DTNBP1: variants seen among roughly 807,000 people sequenced by gnomAD.
DTNBP1 encodes the protein dystrobrevin binding protein 1, also known as dysbindin.
DTNBP1 carries 35 observed loss-of-function variants against 42.8 expected under a neutral mutation model. That is an observed-to-expected ratio of 0.82 (90% CI 0.63 to 1.09). The LOEUF is 1.09. Ranked by LOEUF, DTNBP1 falls within the 50% of genes least tolerant of loss-of-function variation. The pLI is 0.00. For synonymous variants in DTNBP1, 171 were observed against 162.2 expected, an observed-to-expected ratio of 1.05 and a Z score of -0.41; for missense variants, 457 against 424.2, an observed-to-expected ratio of 1.08 and a Z score of -0.68.
intron 8 of DTNBP1, among the ~76,000 whole-genome samples, chr6:15,531,550 CA>C (rs1368563366): frequency 1.3e-5 from 2 of 152,220 alleles, no homozygotes; most frequent in African/African-American, 4.8e-5. Flanking sequence ...CTGCATTCAC[CA>C]GCACACTCTG....
chr6:15,541,807 T>TA (rs919820236), intron 7 of DTNBP1, among the ~76,000 whole-genome samples: 24 of 152,066 alleles, frequency 1.6e-4, no homozygotes, highest in Admixed American at 1.4e-3. Context: ...TATATGAAAT[T>TA]AAAAAAAACC....
chr6:15,615,110 A>G (rs766325553), intron 6 of DTNBP1, 157 bp downstream of exon 6: 1 of 1,041,240 alleles, frequency 9.6e-7, no homozygotes, highest in Non-Finnish European at 1.5e-6. Flanking sequence ...ATGGCAACAG[A>G]CAGTGGTTTT....
chr6:15,660,669 T>A, intron 1 of DTNBP1: 3 of 699,952 alleles, frequency 4.3e-6, no homozygotes, highest in Non-Finnish European at 4.2e-6. Flanking sequence ...TCTCCTTAAC[T>A]AACTCTAAAC....
chr6:15,662,801 A>G lies in DTNBP1; in HGVS notation c.56+13T>C. Reference sequence around the variant, plus strand: ...CCCCTCAGGTCCCTTTTCGTCGCCCACCGTATACCCACCCGGAGGTGAAAT... The same window carrying G: ...CCCCTCAGGTCCCTTTTCGTCGCCCGCCGTATACCCACCCGGAGGTGAAAT... On this transcript the variant is annotated intron_variant, in intron 1 of 9. Transcript: ENST00000344537. The G allele has an allele frequency of 6.2e-7, 1 of 1,611,736 alleles. No individual in the cohort carries two copies. Among genetic ancestry groups the G allele is most frequent in the Non-Finnish European group, 8.5e-7 (1 of 1,179,398 alleles).
chr6:15,574,563 T>C (rs73371522), intron 7 of DTNBP1, among the ~76,000 whole-genome samples: 3,888 of 152,330 alleles, frequency 0.026, 183 homozygotes, highest in African/African-American at 0.088. Context: ...CATATTGTTT[T>C]CACCAAAAAT....
At chr6:15,619,188 C>A (rs749770282) in intron 5 of DTNBP1, among the ~76,000 whole-genome samples, 3 of 152,054 alleles carry the variant, frequency 2.0e-5, no homozygotes, top group Non-Finnish European at 4.4e-5. Context: ...ATTTACTGTA[C>A]ATGTTCAAAT....
At chr6:15,561,724 T>C (rs750775986) in intron 7 of DTNBP1, among the ~76,000 whole-genome samples, 1 of 152,208 alleles carries the variant, frequency 6.6e-6, no homozygotes, top group Non-Finnish European at 1.5e-5. Flanking sequence ...CTGGGCTGAA[T>C]TCTCAGGAGG....
At chr6:15,628,184 C>T (rs1189622910) in intron 4 of DTNBP1, among the ~76,000 whole-genome samples, 1 of 151,974 alleles carries the variant, frequency 6.6e-6, no homozygotes, top group Non-Finnish European at 1.5e-5. Context: ...CTGTTTTGGT[C>T]TTAACATAGT....
chr6:15,524,302 G>C (rs1410902921), intron 9 of DTNBP1: 1 of 1,610,540 alleles, frequency 6.2e-7, no homozygotes, highest in Admixed American at 1.7e-5. Context: ...AAAGTTACCG[G>C]AGTGGAGCAT....
At chr6:15,554,597 C>CT (rs887082069) in intron 7 of DTNBP1, among the ~76,000 whole-genome samples, 1 of 152,096 alleles carries the variant, frequency 6.6e-6, no homozygotes, top group African/African-American at 2.4e-5. Flanking sequence ...GACACAAACA[C>CT]TTTGAGGGAG....
chr6:15,572,134 T>C (rs1450701998), intron 7 of DTNBP1, among the ~76,000 whole-genome samples: 1 of 152,214 alleles, frequency 6.6e-6, no homozygotes, highest in Non-Finnish European at 1.5e-5. Flanking sequence ...ATTTATTCCA[T>C]ATTTATTGTA....
intron 7 of DTNBP1, among the ~76,000 whole-genome samples, chr6:15,571,350 T>C (rs1417429388): frequency 6.6e-6 from 1 of 152,232 alleles, no homozygotes; most frequent in Admixed American, 6.5e-5. Context: ...CAAAGAACTG[T>C]CAATCTCAAT....
intron 1 of DTNBP1, among the ~76,000 whole-genome samples, chr6:15,662,597 G>T (rs977904361): frequency 4.6e-5 from 7 of 152,064 alleles, no homozygotes; most frequent in African/African-American, 1.7e-4. Context: ...GTCCTGGGGG[G>T]TGCGCGTCAC....
At chr6:15,622,709 T>C (rs1209246211) in intron 5 of DTNBP1, among the ~76,000 whole-genome samples, 3 of 152,332 alleles carry the variant, frequency 2.0e-5, no homozygotes, top group East Asian at 3.9e-4. Flanking sequence ...TAGAATTTTA[T>C]TGTGAAAAGC....
rs1256057435 is a variant in DTNBP1 at position 15,524,601 on chromosome 6, T to C, written c.736A>G (p.Ile246Val). The stretch of plus-strand genomic sequence containing the variant: ...ACGTCCAGGGCCTCCTGGTCCGATA[T>C]GTCCATCAGGTCCATCTGCTCCAGC... ...DMLEQMDLMDISDQEALDVFL... is the reference protein window; with the variant it reads ...DMLEQMDLMDVSDQEALDVFL... Residue 246 changes from isoleucine to valine, a missense_variant, in exon 9 of 10, where the codon ATA (isoleucine) becomes GTA (valine). By Grantham distance (29) the Ile-to-Val change is conservative (BLOSUM62 3). Transcript: ENST00000344537. 1.7e-5 allele frequency: 28 copies of C among 1,613,726 alleles called. No homozygotes were observed. The highest frequency in any genetic ancestry group is 5.0e-5 in the Admixed American group (3 of 59,968).
intron 7 of DTNBP1, among the ~76,000 whole-genome samples, chr6:15,563,732 C>T (rs1581327767): frequency 6.6e-6 from 1 of 152,262 alleles, no homozygotes; most frequent in South Asian, 2.1e-4. Context: ...AATCAATGAT[C>T]CCTACACTCG....
chr6:15,620,210 T>C (rs1479030300), intron 5 of DTNBP1, among the ~76,000 whole-genome samples: 2 of 152,222 alleles, frequency 1.3e-5, no homozygotes, highest in African/African-American at 4.8e-5. Context: ...AAACAGCTAC[T>C]ATATGTGATT....
At position 15,662,858 on chromosome 6, in the gene DTNBP1, G is replaced by A. The variant is rs150529889; in HGVS notation, c.12C>T (p.Thr4=). The A allele has an allele frequency of 1.3e-4, 205 of 1,607,890 alleles. No homozygotes were observed. Among genetic ancestry groups the A allele is most frequent in the Middle Eastern group, 1.6e-4 (1 of 6,080 alleles). Residue 4 remains threonine (T), a synonymous_variant, in exon 1 of 10, where the codon ACC becomes ACT. Coordinates refer to ENST00000344537, the MANE Select transcript of DTNBP1 (RefSeq NM_032122.5). MLE[T]LRERLLSVQQ... ...GCACGCTCAGCAGCCGCTCGCGAAG[G>A]GTCTCCAGCATTGCCGCCGCCGCCG...
chr6:15,564,285 G>A (rs1774969540), intron 7 of DTNBP1, among the ~76,000 whole-genome samples: 1 of 151,992 alleles, frequency 6.6e-6, no homozygotes, highest in Non-Finnish European at 1.5e-5. Flanking sequence ...AAATGCACAA[G>A]TTGGGAGAAA....
Sources: gnomAD v4.1 joint callset for allele counts (sites outside exome capture counted in the v4.1 genomes callset) on GRCh38, gnomAD v4.1.1 for gene constraint, MANE v1.5 for transcripts, NCBI Gene and HGNC (gene_info 2026-07-23, HGNC 2026-07-21) for gene names.